The following ISLR2 variants were observed in gnomAD, a reference collection of about 807,000 sequenced individuals.
The protein encoded by ISLR2 is immunoglobulin superfamily containing leucine rich repeat 2.
In ISLR2, 16 loss-of-function variants were observed where a neutral mutation model predicts 25.5. That is an observed-to-expected ratio of 0.63 (90% CI 0.43 to 0.95). ISLR2 has a LOEUF of 0.95. ISLR2 is among the 40% of genes least tolerant of loss of function. The pLI is 0.00. For missense variants in ISLR2, 883 were observed against 1,030.7 expected, an observed-to-expected ratio of 0.86 and a Z score of 1.96; for synonymous variants, 508 against 486.6, an observed-to-expected ratio of 1.04 and a Z score of -0.58.
rs188224876 is a variant in ISLR2, at chr15:74,119,114, C to T, written n.229-12093C>T. Among the ~76,000 whole-genome samples, 178 of 152,236 alleles carry T rather than the reference C, an allele frequency of 1.2e-3. 3 individuals carry two copies. Among genetic ancestry groups the T allele is most frequent in the Admixed American group, 0.01 (154 of 15,290 alleles). On this transcript the variant is annotated intron_variant and non_coding_transcript_variant, in intron 2 of 3. Coordinates refer to the ISLR2 transcript ENST00000561975. ...TCTTTGTTCTGGGGGCATTGAAAATCCACTCTTCTAGCTATTTAAAAATAT... is the reference window on the plus strand; with the variant it reads ...TCTTTGTTCTGGGGGCATTGAAAATTCACTCTTCTAGCTATTTAAAAATAT...
At chr15:74,102,693 A>G (rs2072089547) in intron 1 of ISLR2, among the ~76,000 whole-genome samples, 1 of 151,994 alleles carries the variant, frequency 6.6e-6, no homozygotes, top group Non-Finnish European at 1.5e-5. Flanking sequence ...CCACTAATGT[A>G]GGGAAATATA....
At chr15:74,108,208 T>C (rs1018698482) in intron 2 of ISLR2, among the ~76,000 whole-genome samples, 4 of 151,986 alleles carry the variant, frequency 2.6e-5, no homozygotes, top group African/African-American at 9.7e-5. Flanking sequence ...CAGACCAAGG[T>C]AGGGCTTCTG....
At chr15:74,116,240 T>G (rs1316276171) in intron 2 of ISLR2, among the ~76,000 whole-genome samples, 1 of 151,794 alleles carries the variant, frequency 6.6e-6, no homozygotes, top group Non-Finnish European at 1.5e-5. Context: ...AAGTTAACTC[T>G]GCAGATATGG....
intron 2 of ISLR2, among the ~76,000 whole-genome samples, chr15:74,107,603 G>A (rs1044253214): frequency 9.2e-5 from 14 of 152,250 alleles, no homozygotes; most frequent in Admixed American, 3.9e-4. Flanking sequence ...TTTGGCCCAG[G>A]CAAATCGTCC....
In ISLR2 at chr15:74,134,775, G is replaced by A. The variant is rs1595951257; in HGVS notation, c.2021G>A (p.Gly674Glu). 2.5e-6 allele frequency: 4 copies of A among 1,613,972 alleles called. No homozygotes were observed. The highest frequency in any genetic ancestry group is 2.2e-5 in the South Asian group (2 of 91,076). ...AGGEEPEDVQ[G>E]EGLDEDAEQG... ...GGCGAGGAGCCAGAGGACGTGCAGG[G>A]GGAGGGCCTTGATGAAGACGCGGAG... Residue 674 changes from glycine to glutamate, a missense_variant, in exon 3 of 3, where the codon GGG becomes GAG. Around this residue, in one of 2 missense-constraint regions of ISLR2, gnomAD observed 612 missense variants for 642.8 expected, o/e 0.95. Coordinates refer to ENST00000453268, the MANE Select transcript of ISLR2 (RefSeq NM_020851.3).
At position 74,134,736 on chromosome 15, in the gene ISLR2, G is replaced by C; in HGVS notation, c.1982G>C (p.Gly661Ala). ...YLESEKSYPA[G>A]GEAGGEEPED... ...GAGTCCGAGAAAAGCTACCCGGCAG[G>C]CGGCGAGGCGGGCGGCGAGGAGCCA... The change falls in exon 3 of 3, where the codon GGC (glycine) becomes GCC (alanine). Residue 661 changes from glycine (G) to alanine (A), a missense_variant. Gly to Ala is a moderately conservative substitution (Grantham distance 60). Around this residue, in one of 2 missense-constraint regions of ISLR2, gnomAD observed 612 missense variants for 642.8 expected, o/e 0.95. Transcript: ENST00000453268. 6.2e-7 allele frequency: 1 copy of C among 1,613,984 alleles called. No homozygotes were observed. Among genetic ancestry groups the C allele is most frequent in the Non-Finnish European group, 8.5e-7 (1 of 1,179,950 alleles).
rs935918861 is a variant in ISLR2 at position 74,135,198 on chromosome 15, C to T, written c.*206C>T. ...CTGCTACCCACGGCTGCCATTCTCC[C>T]TGCGGGCTGAATCCCCTTCCCCGCC... is the stretch of plus-strand genomic sequence containing the variant. On this transcript the variant is annotated 3_prime_UTR_variant, in exon 3 of 3. Transcript: ENST00000453268. The T allele has an allele frequency of 1.6e-6, 1 of 634,404 alleles. No individual in the cohort carries two copies. Among genetic ancestry groups the T allele is most frequent in the Non-Finnish European group, 2.8e-6 (1 of 358,396 alleles). 39.3% of individuals were successfully genotyped at this position (634,404 alleles called of 1,614,324 possible).
At chr15:74,130,187 CG>C (rs1340931911), upstream of ISLR2, 3 of 79,000 alleles carry the variant, frequency 3.8e-5, no homozygotes, top group African/African-American at 1.0e-4. Context: ...GTTCTGGTGT[CG>C]GGTTAGACTA....
rs530157728 is a variant in ISLR2 at position 74,114,581 on chromosome 15, C to T, written n.228+10667C>T. 2.0e-5 allele frequency among the ~76,000 whole-genome samples: 3 copies of T among 151,470 alleles called. No homozygotes were observed. In the South Asian group the frequency reaches 6.3e-4, roughly 32 times the overall value. On this transcript the variant is annotated intron_variant and non_coding_transcript_variant, in intron 2 of 3. Transcript: ENST00000561975. Reference sequence around the variant, plus strand: ...GAGGTGGCAGTGAGCCGAGATGGCGCCACTTGGGGTGACAGAGCAAGATCC... The same window carrying T: ...GAGGTGGCAGTGAGCCGAGATGGCGTCACTTGGGGTGACAGAGCAAGATCC...
intron 2 of ISLR2, among the ~76,000 whole-genome samples, chr15:74,111,141 A>G (rs2141929646): frequency 6.7e-6 from 1 of 150,028 alleles, no homozygotes; most frequent in Non-Finnish European, 1.5e-5. Context: ...CTCCATCTAA[A>G]AAAAAAAAAA....
At chr15:74,126,345 G>GTTGTTTTTTTTT (rs1228122616), upstream of ISLR2, 1 of 139,972 alleles carries the variant, frequency 7.1e-6, no homozygotes, top group African/African-American at 2.9e-5. Flanking sequence ...AAAAGCATAG[G>GTTGTTTTTTTTT]TATTTTTTTT....
At chr15:74,138,297 T>C (rs995659070), downstream of ISLR2, 3 of 146,360 alleles carry the variant, frequency 2.0e-5, no homozygotes, top group African/African-American at 7.6e-5. Context: ...TCTTTTTTTT[T>C]TTTTTTTTTT....
At position 74,134,387 on chromosome 15, in the gene ISLR2, C is replaced by T; in HGVS notation, c.1633C>T (p.Arg545Cys). ...GGGCGGCGCGGCAGTGCAGTGGTCCCGCGTAGAGGAAGGCGTCAACGCCTA... is the reference window on the plus strand; with the variant it reads ...GGGCGGCGCGGCAGTGCAGTGGTCCTGCGTAGAGGAAGGCGTCAACGCCTA... ...AGGGAAVQWS[R>C]VEEGVNAYWF... The change falls in exon 3 of 3, where the codon CGC (arginine) becomes TGC (cysteine). Residue 545 changes from arginine (R) to cysteine (C), a missense_variant. Physicochemically the swap from Arg to Cys is radical, Grantham distance 180. Around this residue, in one of 2 missense-constraint regions of ISLR2, gnomAD observed 612 missense variants for 642.8 expected, o/e 0.95. Coordinates refer to ENST00000453268, the MANE Select transcript of ISLR2 (RefSeq NM_020851.3). 1 of 1,608,562 alleles carries T rather than the reference C, an allele frequency of 6.2e-7. No individual in the cohort carries two copies. Among genetic ancestry groups the T allele is most frequent in the Non-Finnish European group, 8.5e-7 (1 of 1,178,688 alleles).
At position 74,133,623 on chromosome 15, in the gene ISLR2, G is replaced by C. The variant is rs1366409423; in HGVS notation, c.869G>C (p.Gly290Ala). The C allele has an allele frequency of 6.2e-7, 1 of 1,613,904 alleles. No individual in the cohort carries two copies. Among genetic ancestry groups the C allele is most frequent in the Admixed American group, 1.7e-5 (1 of 60,014 alleles). ...GTCTTAGAGCCACCGGTTCTGAGCG[G>C]GGAGGACGACGGGGTTGGGGCGGAG... ...TVVLEPPVLS[G>A]EDDGVGAEEG... The change falls in exon 3 of 3, where the codon GGG (glycine) becomes GCG (alanine). Residue 290 changes from glycine (G) to alanine (A), a missense_variant. By Grantham distance (60) the Gly-to-Ala change is moderately conservative. Around this residue, in one of 2 missense-constraint regions of ISLR2, gnomAD observed 612 missense variants for 642.8 expected, o/e 0.95. Transcript: ENST00000453268.
rs144880828 is a variant in ISLR2 at position 74,134,891 on chromosome 15, T to G, written c.2137T>G (p.Phe713Val). Residue 713 changes from phenylalanine to valine, a missense_variant, in exon 3 of 3, where the codon TTC becomes GTC. Physicochemically the swap from Phe to Val is conservative, Grantham distance 50. Coordinates refer to ENST00000453268, the MANE Select transcript of ISLR2 (RefSeq NM_020851.3). ...ESQSKANQEE[F>V]EAGSEYSDRL... ...CCAGTCCAAGGCCAACCAAGAGGAGTTCGAGGCGGGCTCTGAGTACAGCGA... is the reference window on the plus strand; with the variant it reads ...CCAGTCCAAGGCCAACCAAGAGGAGGTCGAGGCGGGCTCTGAGTACAGCGA... 16 of 1,613,438 alleles carry G rather than the reference T, an allele frequency of 9.9e-6. No individual in the cohort carries two copies. The highest frequency in any genetic ancestry group is 1.3e-5 in the African/African-American group (1 of 74,730).
Position 74,116,878 on chromosome 15 carries a change from C to T in ISLR2, n.228+12964C>T, listed in dbSNP as rs139481781. Reference sequence around the variant, plus strand: ...GAGTTTCAGAGACTTCCCCTGGGCTCTTCCTACTATAGTGGCTCATACCCA... The same window carrying T: ...GAGTTTCAGAGACTTCCCCTGGGCTTTTCCTACTATAGTGGCTCATACCCA... On this transcript the variant is annotated intron_variant and non_coding_transcript_variant, in intron 2 of 3. Coordinates refer to the ISLR2 transcript ENST00000561975. 2.9e-3 allele frequency among the ~76,000 whole-genome samples: 444 copies of T among 152,326 alleles called. 7 individuals are homozygous for T. Among genetic ancestry groups the T allele is most frequent in the African/African-American group, 0.01 (430 of 41,568 alleles).
upstream of ISLR2, chr15:74,128,509 C>G (rs1422703175): frequency 2.2e-6 from 1 of 456,650 alleles, no homozygotes; most frequent in Admixed American, 2.3e-5. Flanking sequence ...GGGGTCTTCC[C>G]TGGTCCTCGG....
intron 2 of ISLR2, among the ~76,000 whole-genome samples, chr15:74,107,847 C>A (rs1426944040): frequency 1.3e-5 from 2 of 152,172 alleles, no homozygotes; most frequent in East Asian, 3.8e-4. Context: ...TGGGGTGTAG[C>A]AGAGCACTGG....
In ISLR2 at chr15:74,134,335, G is replaced by A; in HGVS notation, c.1581G>A (p.Leu527=). 6.4e-7 allele frequency: 1 copy of A among 1,568,096 alleles called. No individual in the cohort carries two copies. The highest frequency in any genetic ancestry group is 8.6e-7 in the Non-Finnish European group (1 of 1,159,590). Residue 527 remains leucine (L), a synonymous_variant, in exon 3 of 3, where the codon CTG becomes CTA. Coordinates refer to ENST00000453268, the MANE Select transcript of ISLR2 (RefSeq NM_020851.3). The stretch of plus-strand genomic sequence containing the variant: ...CCCCGCGACCCGGGCGGCGACCCCT[G>A]CGCCTACTCTATCTGTGTCCAGCGG... ...GGAPRPGRRP[L]RLLYLCPAGG... is the part of the protein sequence containing the mutation.
Sources: gnomAD v4.1 joint callset for allele counts (sites outside exome capture counted in the v4.1 genomes callset) on GRCh38, gnomAD v4.1.1 for gene constraint, gnomAD v4.1.1 regional missense constraint, MANE v1.5 for transcripts, NCBI Gene and HGNC (gene_info 2026-07-23, HGNC 2026-07-21) for gene names.